The following FAM53B variants were observed in gnomAD, a reference collection of about 807,000 sequenced individuals.
FAM53B encodes the protein family with sequence similarity 53 member B.
Under a neutral mutation model 32.7 loss-of-function variants are expected in FAM53B, and 12 were observed. The ratio of observed to expected loss-of-function variants is 0.37; its 90% confidence interval spans 0.24 to 0.59. The LOEUF is 0.59. Ranked by LOEUF, FAM53B falls within the 20% of genes least tolerant of loss-of-function variation. The pLI, the probability that FAM53B is intolerant of heterozygous loss-of-function variation, is 0.72. For missense variants in FAM53B, 477 were observed against 577.7 expected (o/e 0.83, Z 1.79); for synonymous variants, 234 against 228.7 (o/e 1.02, Z -0.21).
rs189574930 is a variant in FAM53B at position 124,686,239 on chromosome 10, T to G, written c.134-3860A>C. ...GATCTATATGCAGAAAGGCTGGAAG[T>G]CCAGCTTGCTGGGCCTTGAGGTAAC... On this transcript the variant is annotated intron_variant, in intron 3 of 4. Transcript: ENST00000337318. 2.0e-5 allele frequency among the ~76,000 whole-genome samples: 3 copies of G among 152,332 alleles called. No individual in the cohort carries two copies. In the East Asian group the frequency reaches 5.8e-4, roughly 29 times the overall value.
chr10:124,657,510 C>T (rs1949600968), intron 4 of FAM53B, among the ~76,000 whole-genome samples: 1 of 152,166 alleles, frequency 6.6e-6, no homozygotes, highest in Non-Finnish European at 1.5e-5. Context: ...AGATCATTAT[C>T]TCTGTAGGTG....
chr10:124,633,884 C>T (rs1949408962), intron 4 of FAM53B, among the ~76,000 whole-genome samples: 2 of 152,176 alleles, frequency 1.3e-5, no homozygotes, highest in South Asian at 4.1e-4. Context: ...CTTTCTAAAA[C>T]TCAAAATCCA....
intron 3 of FAM53B, among the ~76,000 whole-genome samples, chr10:124,692,022 T>A (rs1188126718): frequency 6.6e-6 from 1 of 152,172 alleles, no homozygotes; most frequent in African/African-American, 2.4e-5. Flanking sequence ...CAAGAACCAG[T>A]CATATAAATG....
At chr10:124,740,035 T>G (rs545765103) in intron 1 of FAM53B, among the ~76,000 whole-genome samples, 1 of 152,168 alleles carries the variant, frequency 6.6e-6, no homozygotes, top group Non-Finnish European at 1.5e-5. Flanking sequence ...CTCCAATCAC[T>G]GTGAGGGGAA....
chr10:124,670,515 G>A (rs1423002701), intron 4 of FAM53B, among the ~76,000 whole-genome samples: 2 of 151,844 alleles, frequency 1.3e-5, no homozygotes, highest in African/African-American at 4.8e-5. Flanking sequence ...TTGCACCCCC[G>A]ACTCAGGAAC....
intron 4 of FAM53B, among the ~76,000 whole-genome samples, chr10:124,643,355 C>T (rs866897446): frequency 6.6e-6 from 1 of 152,260 alleles, no homozygotes. Flanking sequence ...GGGCCCTCAG[C>T]AGTTCTCCCT....
intron 4 of FAM53B, among the ~76,000 whole-genome samples, chr10:124,675,894 G>A (rs1005344786): frequency 1.3e-5 from 2 of 152,250 alleles, no homozygotes; most frequent in Admixed American, 6.5e-5. Context: ...GATTAGAACA[G>A]AGATGGTGGA....
intron 4 of FAM53B, among the ~76,000 whole-genome samples, chr10:124,665,239 T>G (rs1949661831): frequency 6.6e-6 from 1 of 152,190 alleles, no homozygotes; most frequent in Non-Finnish European, 1.5e-5. Flanking sequence ...TGCCCCAAAC[T>G]TGTCTATCAC....
At chr10:124,656,573 T>C (rs1230703800) in intron 4 of FAM53B, among the ~76,000 whole-genome samples, 1 of 152,200 alleles carries the variant, frequency 6.6e-6, no homozygotes, top group Non-Finnish European at 1.5e-5. Context: ...CTGGAAACAG[T>C]TGGTCAAATT....
At chr10:124,705,030 G>T (rs78352379) in intron 2 of FAM53B, among the ~76,000 whole-genome samples, 1 of 152,308 alleles carries the variant, frequency 6.6e-6, no homozygotes, top group African/African-American at 2.4e-5. Context: ...GGCTGCCATC[G>T]AGCAAACACA....
chr10:124,649,211 A>G (rs1247703832), intron 4 of FAM53B, among the ~76,000 whole-genome samples: 2 of 152,196 alleles, frequency 1.3e-5, no homozygotes, highest in African/African-American at 4.8e-5. Context: ...TACCTCTTCA[A>G]CCTCTAACCT....
chr10:124,663,886 C>T (rs1949649299), intron 4 of FAM53B, among the ~76,000 whole-genome samples: 1 of 152,120 alleles, frequency 6.6e-6, no homozygotes, highest in African/African-American at 2.4e-5. Flanking sequence ...ACCCAGGAGG[C>T]TCTGGGCCAA....
intron 4 of FAM53B, among the ~76,000 whole-genome samples, chr10:124,632,146 C>T (rs901159980): frequency 2.7e-4 from 41 of 152,354 alleles, no homozygotes; most frequent in African/African-American, 9.1e-4. Context: ...GGCCCCTCTC[C>T]GAGGGCACCC....
chr10:124,663,900 T>A (rs1302262533), intron 4 of FAM53B, among the ~76,000 whole-genome samples: 1 of 151,932 alleles, frequency 6.6e-6, no homozygotes, highest in Non-Finnish European at 1.5e-5. Context: ...GGGCCAAATC[T>A]CCCAGGTCTC....
intron 4 of FAM53B, among the ~76,000 whole-genome samples, chr10:124,657,453 A>G (rs559358082): frequency 3.3e-5 from 5 of 152,302 alleles, no homozygotes; most frequent in East Asian, 1.9e-4. Context: ...TCTCAGCGTT[A>G]TAACTGCTCA....
intron 1 of FAM53B, among the ~76,000 whole-genome samples, chr10:124,736,648 G>T (rs983199782): frequency 6.6e-6 from 1 of 152,272 alleles, no homozygotes; most frequent in African/African-American, 2.4e-5. Flanking sequence ...GGGTGCTTCA[G>T]GCTTCAGCCA....
intron 4 of FAM53B, among the ~76,000 whole-genome samples, chr10:124,641,828 C>CA (rs1949476633): frequency 6.6e-6 from 1 of 152,216 alleles, no homozygotes; most frequent in Admixed American, 6.5e-5. Context: ...GTCCCATGAA[C>CA]TAGATCCTAA....
chr10:124,740,448 CG>C (rs1214159994), intron 1 of FAM53B, among the ~76,000 whole-genome samples: 1 of 152,154 alleles, frequency 6.6e-6, no homozygotes, highest in Non-Finnish European at 1.5e-5. Context: ...ATGTAAACTG[CG>C]CTACAACAAA....
Position 124,682,518 on chromosome 10 carries a change from C to T in FAM53B, c.134-139G>A, listed in dbSNP as rs1949780047. On this transcript the variant is annotated intron_variant, in intron 3 of 4. Transcript: ENST00000337318. This position sits in a 1 kb window ranked among gnomAD's most constrained non-coding sequence, Gnocchi z 5.2. The stretch of plus-strand genomic sequence containing the variant: ...CCTTAGAAACCATCCAGTCCAACCT[C>T]ATTTTACAGATGAGAAATTGAGGCT... The T allele has an allele frequency of 4.3e-6, 3 of 692,874 alleles. No homozygotes were observed. The South Asian group carries it at 6.0e-5, about 14-fold the overall frequency. The allele number at this position is 692,874 out of a possible 1,614,324, so 42.9% of individuals were successfully genotyped here.
Sources: gnomAD v4.1 joint callset for allele counts (sites outside exome capture counted in the v4.1 genomes callset) on GRCh38, gnomAD v4.1.1 for gene constraint, Gnocchi (gnomAD v3.1) non-coding constraint, MANE v1.5 for transcripts, NCBI Gene and HGNC (gene_info 2026-07-23, HGNC 2026-07-21) for gene names.